Variants in DSCAM observed in about 807,000 individuals in gnomAD.
DSCAM encodes the protein cell adhesion molecule DSCAM.
DSCAM carries 47 observed loss-of-function variants against 217.7 expected under a neutral mutation model. That is an observed-to-expected ratio of 0.22 (90% confidence interval 0.17 to 0.28). The LOEUF (loss-of-function observed/expected upper bound fraction) is 0.28, where lower values mean the gene tolerates loss of function less well. Ranked by LOEUF, DSCAM falls within the 10% of genes least tolerant of loss-of-function variation. The pLI is 1.00. For missense variants in DSCAM, 2,080 were observed against 2,618.3 expected (o/e 0.79, Z 4.49); for synonymous variants, 1,056 against 1,015.3 (o/e 1.04, Z -0.76).
chr21:40,478,169 T>C (rs2075953366), intron 3 of DSCAM, among the ~76,000 whole-genome samples: 3 of 152,346 alleles, frequency 2.0e-5, no homozygotes, highest in South Asian at 4.1e-4. Context: ...ATCCACATGG[T>C]TGTGTGTAGT....
intron 14 of DSCAM, among the ~76,000 whole-genome samples, 185 bp downstream of exon 14, chr21:40,186,946 A>G (rs1240161929): frequency 1.3e-5 from 2 of 152,190 alleles, no homozygotes; most frequent in Non-Finnish European, 2.9e-5. Flanking sequence ...GCTGAGCCTC[A>G]ACACGAAACT....
At chr21:40,338,509 T>G (rs1332796170) in intron 7 of DSCAM, 133 bp from the exon 8 acceptor site, 2 of 976,352 alleles carry the variant, frequency 2.0e-6, no homozygotes, top group Non-Finnish European at 2.9e-6. Flanking sequence ...TAAACAAATA[T>G]TTTTGCATGT....
At chr21:40,631,103 C>T (rs915226369) in intron 3 of DSCAM, among the ~76,000 whole-genome samples, 12 of 152,196 alleles carry the variant, frequency 7.9e-5, no homozygotes, top group African/African-American at 2.4e-4. Flanking sequence ...TGTATGCCAG[C>T]AATGAACCTT....
At chr21:40,233,584 C>T (rs1486933697) in intron 11 of DSCAM, among the ~76,000 whole-genome samples, 1 of 152,128 alleles carries the variant, frequency 6.6e-6, no homozygotes, top group Admixed American at 6.6e-5. Context: ...GCCCCTATGT[C>T]CACCTTTCTG....
rs1161442011 is a variant in DSCAM, at chr21:40,466,478, T to C, written c.509-97233A>G. On this transcript the variant is annotated intron_variant, in intron 3 of 32. Transcript: ENST00000400454. Reference sequence around the variant, plus strand: ...CAATTCTAACAAGTGTGTTTCCATCTCCCTGCTTGAGTACTCACAGTGATG... The same window carrying C: ...CAATTCTAACAAGTGTGTTTCCATCCCCCTGCTTGAGTACTCACAGTGATG... Among the ~76,000 whole-genome samples the C allele has an allele frequency of 2.0e-5, 3 of 152,298 alleles. No homozygotes were observed. In the South Asian group the frequency reaches 6.2e-4, roughly 32 times the overall value.
chr21:40,740,836 T>C (rs1284295723), intron 1 of DSCAM, among the ~76,000 whole-genome samples: 2 of 152,250 alleles, frequency 1.3e-5, no homozygotes, highest in African/African-American at 2.4e-5. Flanking sequence ...TGCTGTGATT[T>C]ACAAAGGTTT....
Position 40,818,503 on chromosome 21 carries a change from A to G in DSCAM, c.43+28116T>C, listed in dbSNP as rs1446862391. Among the ~76,000 whole-genome samples the G allele has an allele frequency of 3.1e-5, 4 of 130,948 alleles. No individual in the cohort carries two copies. The South Asian group carries it at 1.1e-3, about 36-fold the overall frequency. 85.9% of individuals were successfully genotyped at this position (130,948 alleles called of 152,430 possible). ...GGAGCTTGCAGTGAGCCAAGATCGC[A>G]CCACTGCACTCCAGCCTGGGCTACA... On this transcript the variant is annotated intron_variant, in intron 1 of 32. Transcript: ENST00000400454.
chr21:40,577,031 G>T (rs1342775620), intron 3 of DSCAM, among the ~76,000 whole-genome samples: 1 of 150,766 alleles, frequency 6.6e-6, no homozygotes, highest in Non-Finnish European at 1.5e-5. Context: ...AATTGGAAAG[G>T]GCACGAGAGG....
chr21:40,792,163 CAG>C (rs1344830588), intron 1 of DSCAM, among the ~76,000 whole-genome samples: 1 of 119,400 alleles, frequency 8.4e-6, no homozygotes, highest in Non-Finnish European at 1.6e-5. Context: ...TTTTTTGAGA[CAG>C]AGTCTCACTG....
Position 40,363,541 on chromosome 21 carries a change from C to T in DSCAM, c.655+5558G>A, listed in dbSNP as rs114270811. On this transcript the variant is annotated intron_variant, in intron 4 of 32. Coordinates refer to ENST00000400454, the MANE Select transcript of DSCAM (RefSeq NM_001389.5). ...GTGCTGAGATTACAGGTGTGAGCCA[C>T]CACGCATACCACAAATACCAATAGT... Among the ~76,000 whole-genome samples, 232 of 152,164 alleles carry T rather than the reference C, an allele frequency of 1.5e-3. 1 individual carries two copies. Among genetic ancestry groups the T allele is most frequent in the African/African-American group, 5.4e-3 (225 of 41,512 alleles).
intron 3 of DSCAM, among the ~76,000 whole-genome samples, chr21:40,562,308 G>T (rs1190737111): frequency 1.3e-5 from 2 of 152,104 alleles, no homozygotes; most frequent in Admixed American, 1.3e-4. Flanking sequence ...ACTCTCACAT[G>T]CTCTCTCACC....
intron 11 of DSCAM, among the ~76,000 whole-genome samples, chr21:40,220,912 C>T (rs963449001): frequency 1.3e-5 from 2 of 152,142 alleles, no homozygotes; most frequent in Admixed American, 6.5e-5. Context: ...ACTTTTACAA[C>T]GTGTTGTCTG....
At chr21:40,528,921 T>G (rs1370577733) in intron 3 of DSCAM, among the ~76,000 whole-genome samples, 3 of 142,794 alleles carry the variant, frequency 2.1e-5, no homozygotes, top group African/African-American at 8.4e-5. Flanking sequence ...TTTTTTTTTT[T>G]GAGATGGAGT....
At position 40,382,114 on chromosome 21, in the gene DSCAM, C is replaced by T. The variant is rs984184719; in HGVS notation, c.509-12869G>A. On this transcript the variant is annotated intron_variant, in intron 3 of 32. Transcript: ENST00000400454. ...ACTAGGCTTCCGTTTCAAAGCAAGG[C>T]TAATCGTCTTTTAGCATCAGCTGGT... 2.0e-5 allele frequency among the ~76,000 whole-genome samples: 3 copies of T among 152,156 alleles called. No homozygotes were observed. In the East Asian group the frequency reaches 5.8e-4, roughly 29 times the overall value.
chr21:40,552,741 T>A (rs931754796), intron 3 of DSCAM, among the ~76,000 whole-genome samples: 1 of 152,224 alleles, frequency 6.6e-6, no homozygotes, highest in African/African-American at 2.4e-5. Context: ...AATTAGCATA[T>A]ACACAATGTT....
intron 10 of DSCAM, among the ~76,000 whole-genome samples, chr21:40,290,514 G>C (rs9984222): frequency 0.31 from 46,990 of 152,008 alleles, 7,664 homozygotes; most frequent in South Asian, 0.36. Flanking sequence ...CCAGCTGCTT[G>C]GGAGGCTGAG....
intron 3 of DSCAM, among the ~76,000 whole-genome samples, chr21:40,381,758 T>C (rs1044372000): frequency 6.6e-6 from 1 of 152,222 alleles, no homozygotes; most frequent in African/African-American, 2.4e-5. Flanking sequence ...GGGATAATGG[T>C]TTTTCACACT....
intron 3 of DSCAM, among the ~76,000 whole-genome samples, chr21:40,453,826 AATT>A (rs1191973593): frequency 6.6e-6 from 1 of 152,252 alleles, no homozygotes; most frequent in Non-Finnish European, 1.5e-5. Flanking sequence ...GAGATGAACT[AATT>A]AGTCACTAAC....
intron 32 of DSCAM, among the ~76,000 whole-genome samples, chr21:40,017,807 C>T (rs1167768393): frequency 6.6e-6 from 1 of 152,238 alleles, no homozygotes; most frequent in Non-Finnish European, 1.5e-5. Flanking sequence ...CCGCCTCAGC[C>T]TCCCAAAGTG....
Sources: gnomAD v4.1 joint callset for allele counts (sites outside exome capture counted in the v4.1 genomes callset) on GRCh38, gnomAD v4.1.1 for gene constraint, MANE v1.5 for transcripts, NCBI Gene and HGNC (gene_info 2026-07-23, HGNC 2026-07-21) for gene names.